The following ZDHHC14 variants were observed in gnomAD, a reference collection of about 807,000 sequenced individuals.
The protein encoded by ZDHHC14 is zDHHC palmitoyltransferase 14, also known as palmitoyltransferase ZDHHC14.
In ZDHHC14, 16 loss-of-function variants were observed where a neutral mutation model predicts 47.7. That is an observed-to-expected ratio of 0.34 (90% CI 0.23 to 0.51). ZDHHC14 has a LOEUF of 0.51. Ranked by LOEUF, ZDHHC14 falls within the 20% of genes least tolerant of loss-of-function variation. The pLI, the probability that ZDHHC14 is intolerant of heterozygous loss-of-function variation, is 0.97. For synonymous variants in ZDHHC14, 293 were observed against 278.9 expected (o/e 1.05, Z -0.50); for missense variants, 515 against 662.5 (o/e 0.78, Z 2.44).
intron 3 of ZDHHC14, among the ~76,000 whole-genome samples, chr6:157,615,990 G>A (rs1784949239): frequency 6.6e-6 from 1 of 152,216 alleles, no homozygotes. Flanking sequence ...CCAGACCTCA[G>A]AGCACTCGGT....
rs144952383 is a variant in ZDHHC14, at chr6:157,398,652, C to T, written c.245+16386C>T. On this transcript the variant is annotated intron_variant, in intron 1 of 8. Coordinates refer to ENST00000359775, the MANE Select transcript of ZDHHC14 (RefSeq NM_024630.3). The stretch of plus-strand genomic sequence containing the variant: ...GCTCCAGAAACAGCTTGAATAAGTA[C>T]TCTTCCTTCTGGGCCAGGAAGACTG... Among the ~76,000 whole-genome samples the T allele has an allele frequency of 3.4e-3, 512 of 152,256 alleles. 5 individuals carry two copies. Among genetic ancestry groups the T allele is most frequent in the Admixed American group, 5.4e-3 (82 of 15,302 alleles).
At chr6:157,563,156 A>G (rs1360364407) in intron 2 of ZDHHC14, among the ~76,000 whole-genome samples, 2 of 152,196 alleles carry the variant, frequency 1.3e-5, no homozygotes, top group Non-Finnish European at 2.9e-5. Context: ...TCCCACTACA[A>G]GCCTGGAGGC....
At chr6:157,645,698 C>G (rs1214455684) in intron 5 of ZDHHC14, 39 bp from the exon 6 acceptor site, 1 of 1,555,066 alleles carries the variant, frequency 6.4e-7, no homozygotes, top group South Asian at 1.1e-5. Flanking sequence ...ACTTCTTGCG[C>G]GGTCCCTCAC....
intron 5 of ZDHHC14, among the ~76,000 whole-genome samples, chr6:157,634,839 G>A (rs946625506): frequency 1.4e-4 from 22 of 152,206 alleles, no homozygotes; most frequent in Non-Finnish European, 2.4e-4. Flanking sequence ...GCACTTCCTC[G>A]CTGCTGAGAA....
chr6:157,486,823 G>A (rs1562445024), intron 1 of ZDHHC14, among the ~76,000 whole-genome samples: 1 of 152,186 alleles, frequency 6.6e-6, no homozygotes, highest in Non-Finnish European at 1.5e-5. Flanking sequence ...AACAGGATGT[G>A]TAAAGGGAAG....
At chr6:157,429,845 G>A (rs1008665687) in intron 1 of ZDHHC14, among the ~76,000 whole-genome samples, 2 of 152,160 alleles carry the variant, frequency 1.3e-5, no homozygotes, top group Non-Finnish European at 2.9e-5. Flanking sequence ...ATGATGGCAA[G>A]AGACAATGGA....
intron 5 of ZDHHC14, among the ~76,000 whole-genome samples, chr6:157,643,789 C>G (rs1777381523): frequency 6.6e-6 from 1 of 150,854 alleles, no homozygotes; most frequent in Admixed American, 6.6e-5. Flanking sequence ...GCTGCAGCCA[C>G]TTTCAGTCTG....
intron 5 of ZDHHC14, among the ~76,000 whole-genome samples, chr6:157,645,451 A>G (rs536715318): frequency 6.6e-6 from 1 of 152,236 alleles, no homozygotes; most frequent in East Asian, 1.9e-4. Context: ...TTCAAGTAGA[A>G]GTCAGAGGAA....
chr6:157,567,905 C>A (rs140564137), intron 2 of ZDHHC14, among the ~76,000 whole-genome samples: 3 of 152,042 alleles, frequency 2.0e-5, no homozygotes, highest in African/African-American at 7.2e-5. Context: ...CAGCCCCTTA[C>A]AGCACTGTAG....
chr6:157,592,690 A>C, intron 2 of ZDHHC14: 1 of 1,069,330 alleles, frequency 9.4e-7, no homozygotes, highest in Non-Finnish European at 1.2e-6. Context: ...CAGGGAGGGG[A>C]GGGGGAAGGA....
intron 1 of ZDHHC14, among the ~76,000 whole-genome samples, chr6:157,507,116 T>C (rs1458214336): frequency 6.6e-6 from 1 of 152,162 alleles, no homozygotes; most frequent in Non-Finnish European, 1.5e-5. Context: ...TATTTTCTTA[T>C]GCTTTCCCTT....
intron 2 of ZDHHC14, among the ~76,000 whole-genome samples, chr6:157,570,476 C>T (rs750022536): frequency 6.6e-6 from 1 of 152,186 alleles, no homozygotes; most frequent in African/African-American, 2.4e-5. Flanking sequence ...ACTTACGCAG[C>T]ACAGCGGTTT....
intron 1 of ZDHHC14, among the ~76,000 whole-genome samples, chr6:157,484,731 TA>T (rs994148210): frequency 2.0e-5 from 3 of 151,698 alleles, no homozygotes; most frequent in Non-Finnish European, 2.9e-5. Flanking sequence ...AAGTTTTTCT[TA>T]AAAAAATAAA....
At chr6:157,422,700 T>C (rs1778136346) in intron 1 of ZDHHC14, among the ~76,000 whole-genome samples, 1 of 152,250 alleles carries the variant, frequency 6.6e-6, no homozygotes, top group Non-Finnish European at 1.5e-5. Flanking sequence ...ACGGGCACGG[T>C]AAGCCCTCTC....
chr6:157,508,205 C>T (rs1780378228), intron 1 of ZDHHC14, among the ~76,000 whole-genome samples: 2 of 152,174 alleles, frequency 1.3e-5, no homozygotes, highest in African/African-American at 2.4e-5. Context: ...TTGTGTTGGG[C>T]ATCAATACCA....
In ZDHHC14 at chr6:157,579,190, GTTTTTTTTTT is replaced by G. The variant is rs1187065924; in HGVS notation, c.407-13781_407-13772del. ...GCCATTTTAATGATATTGATTCTGT[GTTTTTTTTTT>G]TTTTTTTTTTTTTTTTGGATGGAGT... On this transcript the variant is annotated intron_variant, in intron 2 of 8. Transcript: ENST00000359775. Among the ~76,000 whole-genome samples, 580 of 63,966 alleles carry G rather than the reference GTTTTTTTTTT, an allele frequency of 9.1e-3. 4 individuals carry two copies. The highest frequency in any genetic ancestry group is 0.029 in the African/African-American group (529 of 18,096). 42.0% of individuals were successfully genotyped at this position (63,966 alleles called of 152,430 possible).
intron 1 of ZDHHC14, among the ~76,000 whole-genome samples, chr6:157,404,554 C>T (rs369146693): frequency 3.3e-5 from 5 of 152,268 alleles, no homozygotes; most frequent in Admixed American, 2.6e-4. Flanking sequence ...TTAGTGGATA[C>T]TTGGGAGTTG....
intron 4 of ZDHHC14, among the ~76,000 whole-genome samples, chr6:157,628,972 G>A (rs1018014458): frequency 3.9e-5 from 6 of 152,170 alleles, no homozygotes; most frequent in Non-Finnish European, 8.8e-5. Context: ...GATGTCTGGT[G>A]AGAAAGACTA....
At chr6:157,501,021 G>GT (rs1216877100) in intron 1 of ZDHHC14, among the ~76,000 whole-genome samples, 1 of 152,198 alleles carries the variant, frequency 6.6e-6, no homozygotes, top group Non-Finnish European at 1.5e-5. Flanking sequence ...GATTGGATTT[G>GT]TTTACAGTTT....
Sources: gnomAD v4.1 joint callset for allele counts (sites outside exome capture counted in the v4.1 genomes callset) on GRCh38, gnomAD v4.1.1 for gene constraint, MANE v1.5 for transcripts, NCBI Gene and HGNC (gene_info 2026-07-23, HGNC 2026-07-21) for gene names.